Variants in PCDHB4 observed in about 807,000 individuals in gnomAD.
The protein encoded by PCDHB4 is protocadherin beta 4.
For synonymous variants in PCDHB4, 482 were observed against 447.3 expected (o/e 1.08, Z -0.98); for missense variants, 1,063 against 1,007.0 (o/e 1.06, Z -0.75).
rs1554274593 is a variant in PCDHB4, at chr5:141,123,658, AACG to A, written c.1663_1665del (p.Asp555del). ...GGTGCGCGTGCTGGTGCTGGACACC[AACG>A]ACAACTCGCCCTTCGTGCTGTACCC... On this transcript the variant is annotated inframe_deletion, in exon 1 of 1. Coordinates refer to ENST00000194152, the MANE Select transcript of PCDHB4 (RefSeq NM_018938.4). The A allele has an allele frequency of 6.2e-7, 1 of 1,611,586 alleles. No individual in the cohort carries two copies. Among genetic ancestry groups the A allele is most frequent in the South Asian group, 1.1e-5 (1 of 90,974 alleles).
chr5:141,124,486 C>T lies in PCDHB4; in HGVS notation c.*100C>T, dbSNP rs1752378949. On this transcript the variant is annotated 3_prime_UTR_variant, in exon 1 of 1. Transcript: ENST00000194152. ...TTGTCTACTTATCTAAATATTCATA[C>T]CACAATTTCAAACCTACTCATGTCC... is the stretch of plus-strand genomic sequence containing the variant. 3 of 1,054,356 alleles carry T rather than the reference C, an allele frequency of 2.8e-6. No individual in the cohort carries two copies. Among genetic ancestry groups the T allele is most frequent in the Non-Finnish European group, 4.0e-6 (3 of 741,120 alleles). The allele number at this position is 1,054,356 out of a possible 1,614,324, so 65.3% of individuals were successfully genotyped here. A position where few individuals can be genotyped will look rare whatever the true frequency, so the allele number is the denominator to read the frequency against.
chr5:141,121,925 A>C lies in PCDHB4; in HGVS notation c.-74A>C, dbSNP rs939514213. On this transcript the variant is annotated 5_prime_UTR_variant, in exon 1 of 1. Coordinates refer to ENST00000194152, the MANE Select transcript of PCDHB4 (RefSeq NM_018938.4). ...AACTGTGTGACGATTCCTCCAAGCA[A>C]GAAATTGGAATTGAATGTCTCAAGT... 6 of 1,074,192 alleles carry C rather than the reference A, an allele frequency of 5.6e-6. No homozygotes were observed. Among genetic ancestry groups the C allele is most frequent in the African/African-American group, 1.6e-5 (1 of 62,930 alleles). 66.5% of individuals were successfully genotyped at this position (1,074,192 alleles called of 1,614,324 possible). A position where few individuals can be genotyped will look rare whatever the true frequency, so the allele number is the denominator to read the frequency against.
Position 141,124,302 on chromosome 5 carries a change from A to C in PCDHB4, c.2304A>C (p.Pro768=), listed in dbSNP as rs1429361771. The change falls in exon 1 of 1, where the codon CCA becomes CCC. Residue 768 remains proline, a synonymous_variant. Transcript: ENST00000194152. ...SGTGEFKFLK[P]IFPNLLVQDT... ...CTGGTGAGTTCAAGTTCCTGAAGCC[A>C]ATATTTCCTAATCTCTTGGTTCAGG... is the stretch of plus-strand genomic sequence containing the variant. 5.0e-6 allele frequency: 8 copies of C among 1,614,112 alleles called. No individual in the cohort carries two copies. Among genetic ancestry groups the C allele is most frequent in the Non-Finnish European group, 5.9e-6 (7 of 1,180,002 alleles).
rs1554274618 is a variant in PCDHB4, at chr5:141,123,762, G to A, written c.1764G>A (p.Val588=). The change falls in exon 1 of 1, where the codon GTG becomes GTA. Residue 588 remains valine, a synonymous_variant. Transcript: ENST00000194152. ...AGCCGGGCTACCTGGTGACCAAGGT[G>A]GTGGCGGTGGACGGCGACTCGGGCC... The part of the protein sequence containing the change: ...AAEPGYLVTK[V]VAVDGDSGQN... 1 of 1,610,436 alleles carries A rather than the reference G, an allele frequency of 6.2e-7. No individual in the cohort carries two copies. Among genetic ancestry groups the A allele is most frequent in the Non-Finnish European group, 8.5e-7 (1 of 1,179,668 alleles).
At position 141,122,592 on chromosome 5, in the gene PCDHB4, A is replaced by G. The variant is rs781859883; in HGVS notation, c.594A>G (p.Pro198=). ...KKYPDLVQDK[P]LDREEQPEFS... is the part of the protein sequence containing the mutation. ...ACCCAGATTTGGTGCAGGACAAACC[A>G]CTGGATCGAGAGGAGCAGCCTGAGT... is the stretch of plus-strand genomic sequence containing the variant. The change falls in exon 1 of 1, where the codon CCA becomes CCG. Residue 198 remains proline (P), a synonymous_variant. Transcript: ENST00000194152. 2 of 1,614,194 alleles carry G rather than the reference A, an allele frequency of 1.2e-6. No homozygotes were observed. The highest frequency in any genetic ancestry group is 1.7e-6 in the Non-Finnish European group (2 of 1,180,022).
Position 141,123,810 on chromosome 5 carries a change from G to T in PCDHB4, c.1812G>T (p.Gln604His). Residue 604 changes from glutamine to histidine, a missense_variant, in exon 1 of 1, where the codon CAG becomes CAT. By Grantham distance (24) the Gln-to-His change is conservative. Coordinates refer to ENST00000194152, the MANE Select transcript of PCDHB4 (RefSeq NM_018938.4). ...DSGQNAWLSY[Q>H]LLKATEPGLF... Reference sequence around the variant, plus strand: ...GCCAGAACGCCTGGCTGTCGTACCAGCTGCTCAAGGCCACGGAGCCTGGGC... The same window carrying T: ...GCCAGAACGCCTGGCTGTCGTACCATCTGCTCAAGGCCACGGAGCCTGGGC... The T allele has an allele frequency of 6.2e-7, 1 of 1,609,790 alleles. No individual in the cohort carries two copies. Among genetic ancestry groups the T allele is most frequent in the South Asian group, 1.1e-5 (1 of 90,978 alleles).
Position 141,122,276 on chromosome 5 carries a change from A to G in PCDHB4, c.278A>G (p.Glu93Gly), listed in dbSNP as rs369922804. 8 of 1,613,980 alleles carry G rather than the reference A, an allele frequency of 5.0e-6. No individual in the cohort carries two copies. The Admixed American group carries it at 6.7e-5, about 13-fold the overall frequency. ...CTGAGGGAGAAACTAGACCGGGAAG[A>G]GCTCTGTGGTCCTATTGAACCGTGT... Reference protein sequence around the residue: ...LLLREKLDREELCGPIEPCVL... With the variant: ...LLLREKLDREGLCGPIEPCVL... Residue 93 changes from glutamate (E) to glycine (G), a missense_variant, in exon 1 of 1, where the codon GAG (glutamate) becomes GGG (glycine). Glu to Gly is a moderately conservative substitution (Grantham distance 98). Coordinates refer to ENST00000194152, the MANE Select transcript of PCDHB4 (RefSeq NM_018938.4).
At position 141,121,988 on chromosome 5, in the gene PCDHB4, T is replaced by G; in HGVS notation, c.-11T>G. 6.4e-7 allele frequency: 1 copy of G among 1,560,488 alleles called. No individual in the cohort carries two copies. The highest frequency in any genetic ancestry group is 8.7e-7 in the Non-Finnish European group (1 of 1,152,664). On this transcript the variant is annotated 5_prime_UTR_variant, in exon 1 of 1. Transcript: ENST00000194152. ...GCTGAGGGGATTGGATATAGGGACC[T>G]GGACTCCAACATGAAGAAGCTAGGG...
Position 141,123,934 on chromosome 5 carries a change from A to G in PCDHB4, c.1936A>G (p.Asn646Asp). The stretch of plus-strand genomic sequence containing the variant: ...CAGGCTCGTGGTGCTTGTCAAGGAC[A>G]ATGGCGAGCCTCCGCGCTCGGCCAC... ...KHRLVVLVKD[N>D]GEPPRSATAT... Residue 646 changes from asparagine to aspartate, a missense_variant, in exon 1 of 1, where the codon AAT (asparagine) becomes GAT (aspartate). Asn to Asp is a conservative substitution (Grantham distance 23, BLOSUM62 1). Coordinates refer to ENST00000194152, the MANE Select transcript of PCDHB4 (RefSeq NM_018938.4). 1 of 1,605,244 alleles carries G rather than the reference A, an allele frequency of 6.2e-7. No individual in the cohort carries two copies. Among genetic ancestry groups the G allele is most frequent in the Non-Finnish European group, 8.5e-7 (1 of 1,179,696 alleles).
chr5:141,123,720 G>T lies in PCDHB4; in HGVS notation c.1722G>T (p.Leu574=). ...LQNGSAPCTE[L]VPRAAEPGYL... The stretch of plus-strand genomic sequence containing the variant: ...ATGGCTCCGCGCCCTGCACCGAGCT[G>T]GTGCCCCGGGCGGCCGAGCCGGGCT... The change falls in exon 1 of 1, where the codon CTG becomes CTT. Residue 574 remains leucine, a synonymous_variant. Transcript: ENST00000194152. The T allele has an allele frequency of 6.2e-7, 1 of 1,610,546 alleles. No individual in the cohort carries two copies. The highest frequency in any genetic ancestry group is 2.2e-5 in the East Asian group (1 of 44,872).
rs1319239395 is a variant in PCDHB4, at chr5:141,123,728, G to A, written c.1730G>A (p.Arg577Gln). The change falls in exon 1 of 1, where the codon CGG (arginine) becomes CAG (glutamine). Residue 577 changes from arginine to glutamine, a missense_variant. Arg to Gln is a conservative substitution (Grantham distance 43, BLOSUM62 1). Transcript: ENST00000194152. ...GSAPCTELVP[R>Q]AAEPGYLVTK... ...GCGCCCTGCACCGAGCTGGTGCCCC[G>A]GGCGGCCGAGCCGGGCTACCTGGTG... The A allele has an allele frequency of 1.9e-6, 3 of 1,610,300 alleles. No individual in the cohort carries two copies. Among genetic ancestry groups the A allele is most frequent in the African/African-American group, 2.7e-5 (2 of 74,868 alleles).
rs61746592 is a variant in PCDHB4 at position 141,122,670 on chromosome 5, G to A, written c.672G>A (p.Thr224=). 0.016 allele frequency: 26,457 copies of A among 1,614,178 alleles called. 284 individuals are homozygous for A. The highest frequency in any genetic ancestry group is 0.027 in the South Asian group (2,423 of 91,074). ...LDGGSPPRSG[T]VMVRILIMDI... ...GTGGGTCACCACCTAGGTCTGGCACGGTCATGGTTCGAATCCTGATCATGG... is the reference window on the plus strand; with the variant it reads ...GTGGGTCACCACCTAGGTCTGGCACAGTCATGGTTCGAATCCTGATCATGG... The change falls in exon 1 of 1, where the codon ACG becomes ACA. Residue 224 remains threonine (T), a synonymous_variant. Coordinates refer to ENST00000194152, the MANE Select transcript of PCDHB4 (RefSeq NM_018938.4).
chr5:141,122,421 A>G lies in PCDHB4; in HGVS notation c.423A>G (p.Ile141Met). ...CTGAAAGGGAAGTGCTCTTGAAAAT[A>G]CTAGAAAATAGCCAGCCGGGTACTC... ...IFPEREVLLKILENSQPGTLF... is the reference protein window; with the variant it reads ...IFPEREVLLKMLENSQPGTLF... Residue 141 changes from isoleucine (I) to methionine (M), a missense_variant, in exon 1 of 1, where the codon ATA becomes ATG. Transcript: ENST00000194152. 1 of 1,614,222 alleles carries G rather than the reference A, an allele frequency of 6.2e-7. No homozygotes were observed. The highest frequency in any genetic ancestry group is 8.5e-7 in the Non-Finnish European group (1 of 1,180,036).
Position 141,123,111 on chromosome 5 carries a change from T to TA in PCDHB4, c.1114dup (p.Arg372LysfsTer16). ...TAGTCTCTATCTTCCGAATTCGAGA[T>TA]AGAGATTCCGGAGAAAATGGAAAGA... On this transcript the variant is annotated frameshift_variant, in exon 1 of 1. Transcript: ENST00000194152. LOFTEE classifies it low-confidence loss of function (END_TRUNC). 6.2e-7 allele frequency: 1 copy of TA among 1,614,002 alleles called. No individual in the cohort carries two copies. The highest frequency in any genetic ancestry group is 8.5e-7 in the Non-Finnish European group (1 of 1,179,988).
At position 141,122,728 on chromosome 5, in the gene PCDHB4, A is replaced by T. The variant is rs200669050; in HGVS notation, c.730A>T (p.Thr244Ser). The change falls in exon 1 of 1, where the codon ACT becomes TCT. Residue 244 changes from threonine (T) to serine (S), a missense_variant. By Grantham distance (58) the Thr-to-Ser change is moderately conservative. Coordinates refer to ENST00000194152, the MANE Select transcript of PCDHB4 (RefSeq NM_018938.4). Reference protein sequence around the residue: ...INDNAPEFVHTPYGVQVLENS... With the variant: ...INDNAPEFVHSPYGVQVLENS... ...TGACAATGCTCCTGAGTTTGTGCAC[A>T]CTCCATATGGGGTGCAGGTCCTGGA... is the stretch of plus-strand genomic sequence containing the variant. The T allele has an allele frequency of 1.5e-5, 24 of 1,613,780 alleles. 1 individual carries two copies. In the African/African-American group the frequency reaches 1.7e-4, roughly 12 times the overall value.
Position 141,123,643 on chromosome 5 carries a change from C to A in PCDHB4, c.1645C>A (p.Leu549Met). 2 of 1,611,768 alleles carry A rather than the reference C, an allele frequency of 1.2e-6. No individual in the cohort carries two copies. The highest frequency in any genetic ancestry group is 1.7e-6 in the Non-Finnish European group (2 of 1,179,638). Residue 549 changes from leucine (L) to methionine (M), a missense_variant, in exon 1 of 1, where the codon CTG (leucine) becomes ATG (methionine). Physicochemically the swap from Leu to Met is conservative, Grantham distance 15. Transcript: ENST00000194152. Reference protein sequence around the residue: ...ALSSEALVRVLVLDTNDNSPF... With the variant: ...ALSSEALVRVMVLDTNDNSPF... ...GAGCAGCGAGGCGCTGGTGCGCGTG[C>A]TGGTGCTGGACACCAACGACAACTC...
chr5:141,123,087 A>C lies in PCDHB4; in HGVS notation c.1089A>C (p.Val363=), dbSNP rs1554274475. Residue 363 remains valine, a synonymous_variant, in exon 1 of 1, where the codon GTA becomes GTC. Transcript: ENST00000194152. The stretch of plus-strand genomic sequence containing the variant: ...TCCCAGAAAATGCTCCTGAGACGGT[A>C]GTCTCTATCTTCCGAATTCGAGATA... ...SSIPENAPET[V]VSIFRIRDRD... 1.2e-6 allele frequency: 2 copies of C among 1,613,526 alleles called. No individual in the cohort carries two copies. The highest frequency in any genetic ancestry group is 2.2e-5 in the South Asian group (2 of 90,998).
In PCDHB4 at chr5:141,123,280, C is replaced by A. The variant is rs1554274512; in HGVS notation, c.1282C>A (p.Pro428Thr). The change falls in exon 1 of 1, where the codon CCC (proline) becomes ACC (threonine). Residue 428 changes from proline (P) to threonine (T), a missense_variant. Physicochemically the swap from Pro to Thr is conservative, Grantham distance 38 (BLOSUM62 -1). Coordinates refer to ENST00000194152, the MANE Select transcript of PCDHB4 (RefSeq NM_018938.4). ...ITIAVTDLGT[P>T]RLKTQQNITV... is the part of the protein sequence containing the mutation. ...CATCGCCGTCACTGACTTGGGGACA[C>A]CCAGGCTGAAAACCCAGCAGAACAT... The A allele has an allele frequency of 1.2e-6, 2 of 1,614,172 alleles. No individual in the cohort carries two copies. The highest frequency in any genetic ancestry group is 4.5e-5 in the East Asian group (2 of 44,882).
At position 141,122,447 on chromosome 5, in the gene PCDHB4, T is replaced by G. The variant is rs1554274347; in HGVS notation, c.449T>G (p.Leu150Arg). The G allele has an allele frequency of 6.2e-7, 1 of 1,614,136 alleles. No individual in the cohort carries two copies. Among genetic ancestry groups the G allele is most frequent in the African/African-American group, 1.3e-5 (1 of 74,952 alleles). The change falls in exon 1 of 1, where the codon CTA becomes CGA. Residue 150 changes from leucine (L) to arginine (R), a missense_variant. By Grantham distance (102) the Leu-to-Arg change is moderately radical. Transcript: ENST00000194152. ...CTAGAAAATAGCCAGCCGGGTACTCTATTTCCGTTGCTAATAGCTGAGGAT... is the reference window on the plus strand; with the variant it reads ...CTAGAAAATAGCCAGCCGGGTACTCGATTTCCGTTGCTAATAGCTGAGGAT... ...KILENSQPGT[L>R]FPLLIAEDLD...
Sources: gnomAD v4.1 joint callset for allele counts on GRCh38, gnomAD v4.1.1 for gene constraint, MANE v1.5 for transcripts, NCBI Gene and HGNC (gene_info 2026-07-23, HGNC 2026-07-21) for gene names.